Variants in TDRP observed in about 807,000 individuals in gnomAD.
TDRP encodes the protein testis development-related protein.
In TDRP, 12 loss-of-function variants were observed where a neutral mutation model predicts 10.5. That is an observed-to-expected ratio of 1.15 (90% CI 0.73 to 1.86). TDRP has a LOEUF of 1.86. Ranked by LOEUF, TDRP falls within the 40% of genes most tolerant of loss-of-function variation. The pLI is 0.00. For missense variants in TDRP, 353 were observed against 229.2 expected, an observed-to-expected ratio of 1.54 and a Z score of -3.49; for synonymous variants, 139 against 95.4, an observed-to-expected ratio of 1.46 and a Z score of -2.67.
intron 2 of TDRP, 24 bp downstream of exon 2, chr8:494,470 T>C (rs1801073922): frequency 6.2e-7 from 1 of 1,605,556 alleles, no homozygotes; most frequent in Non-Finnish European, 8.5e-7. Context: ...GAAATGATCA[T>C]TTTCTTACAC....
At chr8:545,158 C>T (rs1374136487), upstream of TDRP, among the ~76,000 whole-genome samples, 1 of 146,076 alleles carries the variant, frequency 6.8e-6, no homozygotes, top group Non-Finnish European at 1.5e-5. Flanking sequence ...TGGTCCCCGC[C>T]ACCGCCCCGG....
intron 1 of TDRP, among the ~76,000 whole-genome samples, chr8:537,174 G>A (rs1031225498): frequency 2.6e-5 from 4 of 152,202 alleles, no homozygotes; most frequent in African/African-American, 9.6e-5. Flanking sequence ...GCCCCACGTG[G>A]GCCTGGCTCC....
At chr8:532,892 C>G (rs1015010997) in intron 1 of TDRP, among the ~76,000 whole-genome samples, 1 of 152,188 alleles carries the variant, frequency 6.6e-6, no homozygotes, top group African/African-American at 2.4e-5. Context: ...AACTGCAGAG[C>G]TGAGTGGTTC....
chr8:512,375 G>C (rs183302110), intron 1 of TDRP, among the ~76,000 whole-genome samples: 67 of 152,292 alleles, frequency 4.4e-4, no homozygotes, highest in African/African-American at 1.5e-3. Flanking sequence ...GGAGGCTGCA[G>C]TGAGCCAAGA....
chr8:509,734 G>A (rs1801561279), intron 1 of TDRP, among the ~76,000 whole-genome samples: 1 of 152,170 alleles, frequency 6.6e-6, no homozygotes, highest in African/African-American at 2.4e-5. Flanking sequence ...TTGGCTCCTT[G>A]CTACTTAACG....
At chr8:520,419 A>C (rs977173538) in intron 1 of TDRP, among the ~76,000 whole-genome samples, 1 of 152,104 alleles carries the variant, frequency 6.6e-6, no homozygotes, top group African/African-American at 2.4e-5. Flanking sequence ...TGGGTGTGCA[A>C]ATCTCTTTGA....
chr8:499,776 C>G (rs1245701674), intron 1 of TDRP, among the ~76,000 whole-genome samples: 3 of 152,236 alleles, frequency 2.0e-5, no homozygotes, highest in African/African-American at 7.2e-5. Flanking sequence ...AGGGAAAGTC[C>G]TCACCTGAGC....
At chr8:519,446 C>G (rs951436393) in intron 1 of TDRP, among the ~76,000 whole-genome samples, 2 of 152,102 alleles carry the variant, frequency 1.3e-5, no homozygotes, top group African/African-American at 2.4e-5. Context: ...CCTATGACAT[C>G]AACTCTACCA....
At chr8:531,244 C>A (rs964423515) in intron 1 of TDRP, among the ~76,000 whole-genome samples, 1 of 152,090 alleles carries the variant, frequency 6.6e-6, no homozygotes, top group Middle Eastern at 3.2e-3. Context: ...GACTTCTAAA[C>A]TGGTTTCTGT....
At chr8:494,369 G>A in intron 2 of TDRP, 125 bp downstream of exon 2, 1 of 817,254 alleles carries the variant, frequency 1.2e-6, no homozygotes, top group South Asian at 1.7e-5. Flanking sequence ...GGGAAACATG[G>A]ACTCGCCGCG....
chr8:535,315 G>C (rs1332647615), intron 1 of TDRP, among the ~76,000 whole-genome samples: 1 of 152,058 alleles, frequency 6.6e-6, no homozygotes, highest in African/African-American at 2.4e-5. Context: ...CAAGGTGAGA[G>C]GAGGCAGTCT....
Position 520,512 on chromosome 8 carries a change from ATCTC to A in TDRP, c.108+24134_108+24137del, listed in dbSNP as rs1296074605. ...AATTCTATTTTTAACTTTTTGATAA[ATCTC>A]TATACAGTTTTCCACAGCAGCTAAA... On this transcript the variant is annotated intron_variant, in intron 1 of 2. Transcript: ENST00000324079. 6.6e-5 allele frequency among the ~76,000 whole-genome samples: 10 copies of A among 152,256 alleles called. No individual in the cohort carries two copies. The East Asian group carries it at 1.9e-3, about 29-fold the overall frequency.
intron 2 of TDRP, among the ~76,000 whole-genome samples, chr8:493,473 G>T (rs1236519733): frequency 6.6e-6 from 1 of 152,250 alleles, no homozygotes; most frequent in African/African-American, 2.4e-5. Context: ...TGTCCTCAGT[G>T]CACAGAAGTG....
chr8:507,458 GTAGA>G (rs573147404), intron 1 of TDRP, among the ~76,000 whole-genome samples: 250 of 152,252 alleles, frequency 1.6e-3, no homozygotes, highest in Non-Finnish European at 2.8e-3. Context: ...GGATTCATTT[GTAGA>G]GCAATGTATG....
At chr8:530,446 G>T (rs909610797) in intron 1 of TDRP, among the ~76,000 whole-genome samples, 2 of 152,050 alleles carry the variant, frequency 1.3e-5, no homozygotes, top group Admixed American at 1.3e-4. Flanking sequence ...GGGATTTGGG[G>T]TATCTGAAAA....
Position 544,829 on chromosome 8 carries a change from C to T in TDRP, c.-72G>A, listed in dbSNP as rs1802595650. ...CTCCGCGTCCCTCCCGGCCGCCGGA[C>T]GCTCTGCCTGCGGCTCCTGCGGGAC... On this transcript the variant is annotated 5_prime_UTR_variant, in exon 1 of 3. Coordinates refer to ENST00000324079, the MANE Select transcript of TDRP (RefSeq NM_001384899.1). The T allele has an allele frequency of 3.6e-6, 4 of 1,108,804 alleles. No individual in the cohort carries two copies. In the East Asian group the frequency reaches 1.3e-4, roughly 37 times the overall value. The allele number at this position is 1,108,804 out of a possible 1,614,324, so 68.7% of individuals were successfully genotyped here.
At chr8:545,381 G>T (rs1444269831), upstream of TDRP, among the ~76,000 whole-genome samples, 1 of 14,398 alleles carries the variant, frequency 6.9e-5, no homozygotes, top group Non-Finnish European at 1.4e-4. Flanking sequence ...CCCGGCCCCC[G>T]CAAATTCCCC....
At position 524,006 on chromosome 8, in the gene TDRP, T is replaced by G. The variant is rs537560311; in HGVS notation, c.108+20644A>C. 5.3e-5 allele frequency among the ~76,000 whole-genome samples: 8 copies of G among 152,350 alleles called. No homozygotes were observed. The South Asian group carries it at 1.2e-3, about 24-fold the overall frequency. ...CAGGGCCTTGAGCGAGATCCAGAGC[T>G]GTCCTAGCTTCTGGTCTGAATCAGC... On this transcript the variant is annotated intron_variant, in intron 1 of 2. Transcript: ENST00000324079.
chr8:537,812 T>C (rs547864425), intron 1 of TDRP, among the ~76,000 whole-genome samples: 135 of 152,352 alleles, frequency 8.9e-4, no homozygotes, highest in African/African-American at 2.9e-3. Flanking sequence ...CCTGTAAAGA[T>C]AGGATAAATT....
Sources: gnomAD v4.1 joint callset for allele counts (sites outside exome capture counted in the v4.1 genomes callset) on GRCh38, gnomAD v4.1.1 for gene constraint, MANE v1.5 for transcripts, NCBI Gene and HGNC (gene_info 2026-07-23, HGNC 2026-07-21) for gene names.